The following GRIK2 variants were observed in gnomAD, a reference collection of about 807,000 sequenced individuals.
GRIK2 encodes the protein glutamate receptor ionotropic, kainate 2.
In GRIK2, 32 loss-of-function variants were observed where a neutral mutation model predicts 100.3. That is an observed-to-expected ratio of 0.32 (90% CI 0.24 to 0.43). The LOEUF (loss-of-function observed/expected upper bound fraction) is 0.43, where lower values mean the gene tolerates loss of function less well. Among genes scored for constraint, GRIK2 ranks in the 20% least tolerant of loss-of-function variants. GRIK2 has a pLI of 1.00. For missense variants in GRIK2, 843 were observed against 1,114.9 expected, an observed-to-expected ratio of 0.76 and a Z score of 3.47; for synonymous variants, 417 against 389.4, an observed-to-expected ratio of 1.07 and a Z score of -0.83.
intron 1 of GRIK2, among the ~76,000 whole-genome samples, chr6:101,397,893 A>T (rs1354363313): frequency 6.6e-6 from 1 of 152,052 alleles, no homozygotes; most frequent in Non-Finnish European, 1.5e-5. Flanking sequence ...TTATTATACA[A>T]GTTAGTTTTA....
chr6:101,848,163 G>T (rs1289319983), intron 10 of GRIK2, among the ~76,000 whole-genome samples: 1 of 152,068 alleles, frequency 6.6e-6, no homozygotes, highest in Non-Finnish European at 1.5e-5. Flanking sequence ...GTGGAGCTGA[G>T]GAGTATCAAA....
At position 101,676,790 on chromosome 6, in the gene GRIK2, G is replaced by A; in HGVS notation, c.709G>A (p.Gly237Ser). The part of the protein sequence containing the change: ...IFDCSHEMAA[G>S]ILKQALAMGM... Reference sequence around the variant, plus strand: ...TGATTGTAGCCATGAAATGGCAGCAGGCATTTTAAAACAGGTAACCTTTAA... The same window carrying A: ...TGATTGTAGCCATGAAATGGCAGCAAGCATTTTAAAACAGGTAACCTTTAA... The change falls in exon 5 of 17, where the codon GGC (glycine) becomes AGC (serine). Residue 237 changes from glycine to serine, a missense_variant. Gly to Ser is a moderately conservative substitution (Grantham distance 56). This residue lies in a region of GRIK2 where 519 missense variants were observed against 643.8 expected (regional missense o/e 0.81). Coordinates refer to ENST00000369134, the MANE Select transcript of GRIK2 (RefSeq NM_021956.5). 2 of 1,598,960 alleles carry A rather than the reference G, an allele frequency of 1.3e-6. No homozygotes were observed. The highest frequency in any genetic ancestry group is 1.7e-6 in the Non-Finnish European group (2 of 1,172,184).
intron 14 of GRIK2, among the ~76,000 whole-genome samples, chr6:101,955,576 T>TTCTCTCTCTCTCTC (rs60603807): frequency 5.2e-5 from 6 of 116,288 alleles, no homozygotes; most frequent in South Asian, 5.6e-4. Flanking sequence ...GAGCAAGGCC[T>TTCTCTCTCTCTCTC]TCTCTCTCTC....
At chr6:101,593,608 A>C (rs978961203) in intron 2 of GRIK2, among the ~76,000 whole-genome samples, 1 of 151,926 alleles carries the variant, frequency 6.6e-6, no homozygotes, top group South Asian at 2.1e-4. Context: ...AGAGCCTAAA[A>C]TAGAAAGGCA....
At chr6:101,868,265 G>C (rs1459304659) in intron 11 of GRIK2, among the ~76,000 whole-genome samples, 3 of 150,518 alleles carry the variant, frequency 2.0e-5, no homozygotes, top group African/African-American at 7.3e-5. Flanking sequence ...GAGTAGAAGA[G>C]GCGTGAAATT....
intron 2 of GRIK2, among the ~76,000 whole-genome samples, chr6:101,440,931 G>C (rs900318509): frequency 2.7e-5 from 4 of 150,932 alleles, no homozygotes; most frequent in African/African-American, 9.7e-5. Flanking sequence ...ATTACAGAAA[G>C]GAGAGTGTTA....
chr6:101,818,888 T>C (rs1372734079), intron 10 of GRIK2, among the ~76,000 whole-genome samples: 1 of 152,138 alleles, frequency 6.6e-6, no homozygotes, highest in Non-Finnish European at 1.5e-5. Flanking sequence ...ATGGCACTTA[T>C]TTTTCAGAAT....
rs1163558120 is a variant in GRIK2 at position 101,523,720 on chromosome 6, C to CTTTTTTTTTTTTTT, written c.116-98223_116-98210dup. ...AAATAGAACATAATGACTCCTAAGT[C>CTTTTTTTTTTTTTT]TTTTTTTTTTTTTTTTTTTGATGGA... On this transcript the variant is annotated intron_variant, in intron 2 of 16. Coordinates refer to ENST00000369134, the MANE Select transcript of GRIK2 (RefSeq NM_021956.5). 1.9e-3 allele frequency among the ~76,000 whole-genome samples: 233 copies of CTTTTTTTTTTTTTT among 121,498 alleles called. 7 individuals carry two copies. The highest frequency in any genetic ancestry group is 2.6e-3 in the Non-Finnish European group (154 of 58,216). 79.7% of individuals were successfully genotyped at this position (121,498 alleles called of 152,430 possible).
intron 2 of GRIK2, among the ~76,000 whole-genome samples, chr6:101,479,841 G>A (rs1355629845): frequency 6.6e-6 from 1 of 151,986 alleles, no homozygotes; most frequent in Non-Finnish European, 1.5e-5. Context: ...TTTATCCTTT[G>A]AATTATTTTA....
chr6:101,508,671 A>G (rs1774141411), intron 2 of GRIK2, among the ~76,000 whole-genome samples: 1 of 152,166 alleles, frequency 6.6e-6, no homozygotes, highest in Admixed American at 6.6e-5. Flanking sequence ...TTATGCAGAG[A>G]TCCTTGGCCT....
At chr6:101,773,754 G>T (rs750279617) in intron 7 of GRIK2, among the ~76,000 whole-genome samples, 1 of 152,044 alleles carries the variant, frequency 6.6e-6, no homozygotes, top group Non-Finnish European at 1.5e-5. Flanking sequence ...CTGTGAGGTA[G>T]CTTACCATAT....
intron 4 of GRIK2, among the ~76,000 whole-genome samples, chr6:101,633,428 T>C (rs138384784): frequency 1.1e-3 from 173 of 152,254 alleles, no homozygotes; most frequent in African/African-American, 4.0e-3. Context: ...TGAGAGTTGA[T>C]GCATGTATAA....
intron 16 of GRIK2, among the ~76,000 whole-genome samples, chr6:102,061,441 T>C (rs1771747012): frequency 1.3e-5 from 2 of 150,450 alleles, no homozygotes; most frequent in Admixed American, 1.3e-4. Context: ...TATCAAGCTG[T>C]ACAGAATGGA....
rs1249402878 is a variant in GRIK2 at position 102,068,357 on chromosome 6, G to T, written c.2573G>T (p.Cys858Phe). Residue 858 changes from cysteine to phenylalanine, a missense_variant, in exon 17 of 17, where the codon TGT (cysteine) becomes TTT (phenylalanine). Coordinates refer to ENST00000369134, the MANE Select transcript of GRIK2 (RefSeq NM_021956.5). ...KNAQLEKRSF[C>F]SAMVEELRMS... The stretch of plus-strand genomic sequence containing the variant: ...TGTGTTCTTCTGTAGAGGTCCTTCT[G>T]TAGTGCCATGGTAGAAGAATTGAGG... 6.2e-7 allele frequency: 1 copy of T among 1,610,348 alleles called. No individual in the cohort carries two copies. Among genetic ancestry groups the T allele is most frequent in the Non-Finnish European group, 8.5e-7 (1 of 1,177,246 alleles).
Position 101,971,374 on chromosome 6 carries a change from C to A in GRIK2, c.2085+42742C>A, listed in dbSNP as rs137950968. On this transcript the variant is annotated intron_variant, in intron 14 of 16. Coordinates refer to ENST00000369134, the MANE Select transcript of GRIK2 (RefSeq NM_021956.5). ...TTATTTTGAAACACCGGTCTAACAT[C>A]TGTAAACCAAGGCAGTATTATGTTT... Among the ~76,000 whole-genome samples, 857 of 152,000 alleles carry A rather than the reference C, an allele frequency of 5.6e-3. 9 individuals are homozygous for A. The highest frequency in any genetic ancestry group is 0.02 in the African/African-American group (819 of 41,484).
intron 7 of GRIK2, among the ~76,000 whole-genome samples, chr6:101,724,409 A>G (rs76304882): frequency 0.024 from 3,712 of 151,736 alleles, 157 homozygotes; most frequent in African/African-American, 0.084. Flanking sequence ...CGTGTACCCA[A>G]TGCTTAACTC....
chr6:101,635,902 A>G (rs935676446), intron 4 of GRIK2, among the ~76,000 whole-genome samples: 4 of 152,080 alleles, frequency 2.6e-5, no homozygotes, highest in South Asian at 2.1e-4. Flanking sequence ...CACTGTTGGT[A>G]GGAGTGTAAA....
chr6:101,604,801 T>C (rs1779371705), intron 2 of GRIK2, among the ~76,000 whole-genome samples: 1 of 151,984 alleles, frequency 6.6e-6, no homozygotes, highest in African/African-American at 2.4e-5. Flanking sequence ...ATTTTCTTCG[T>C]AGTAATAAGT....
At chr6:101,948,739 C>T (rs547286030) in intron 14 of GRIK2, among the ~76,000 whole-genome samples, 10 of 151,704 alleles carry the variant, frequency 6.6e-5, no homozygotes, top group Non-Finnish European at 1.5e-4. Context: ...CCTCCCAAAG[C>T]GTTGGGATTA....
Sources: allele counts gnomAD v4.1 joint callset (sites outside exome capture counted in the v4.1 genomes callset), GRCh38; gene constraint gnomAD v4.1.1; regional missense constraint gnomAD v4.1.1; transcripts MANE v1.5; gene names NCBI Gene and HGNC (gene_info 2026-07-23, HGNC 2026-07-21).